The following RBM47 variants were observed in gnomAD, a reference collection of about 807,000 sequenced individuals.
RBM47 encodes the protein RNA binding motif protein 47.
A neutral mutation model predicts 47.1 loss-of-function variants in RBM47; 21 were observed. The observed-to-expected ratio is 0.45, with a 90% CI of 0.32 to 0.64. The LOEUF is 0.64. RBM47 is among the 30% of genes least tolerant of loss of function. The pLI is 0.05. For synonymous variants in RBM47, 375 were observed against 361.7 expected, an observed-to-expected ratio of 1.04 and a Z score of -0.42; for missense variants, 708 against 870.9, an observed-to-expected ratio of 0.81 and a Z score of 2.35.
intron 6 of RBM47, among the ~76,000 whole-genome samples, chr4:40,432,033 T>A (rs1385025189): frequency 1.0e-4 from 14 of 138,472 alleles, no homozygotes; most frequent in Admixed American, 2.9e-4. Context: ...AAAAAAAAAA[T>A]TGTAGAGACA....
At chr4:40,449,659 C>T (rs905522297) in intron 3 of RBM47, among the ~76,000 whole-genome samples, 2 of 152,052 alleles carry the variant, frequency 1.3e-5, no homozygotes, top group Non-Finnish European at 2.9e-5. Context: ...CACACAAATA[C>T]CAGTTAGGAA....
intron 1 of RBM47, among the ~76,000 whole-genome samples, chr4:40,549,742 G>A (rs565204468): frequency 2.1e-5 from 3 of 145,236 alleles, no homozygotes; most frequent in East Asian, 2.1e-4. Flanking sequence ...GTGCAGTGGC[G>A]CAATCTCAGC....
At chr4:40,447,323 G>A (rs763627327) in intron 3 of RBM47, among the ~76,000 whole-genome samples, 10 of 152,128 alleles carry the variant, frequency 6.6e-5, no homozygotes, top group Non-Finnish European at 1.2e-4. Context: ...TTCTGAACTA[G>A]GGATTTTTGT....
intron 3 of RBM47, among the ~76,000 whole-genome samples, chr4:40,445,092 G>A (rs1304021925): frequency 6.6e-6 from 1 of 151,922 alleles, no homozygotes; most frequent in Admixed American, 6.5e-5. Context: ...GGCTAACACG[G>A]TGAAACCCCA....
chr4:40,629,030 C>A (rs191833965), intron 1 of RBM47, among the ~76,000 whole-genome samples: 35 of 152,254 alleles, frequency 2.3e-4, no homozygotes, highest in Non-Finnish European at 4.0e-4. Flanking sequence ...GTCCAGGACG[C>A]TTCCTCAGTC....
chr4:40,586,033 G>A (rs776715953), intron 1 of RBM47, among the ~76,000 whole-genome samples: 7 of 152,196 alleles, frequency 4.6e-5, no homozygotes, highest in Non-Finnish European at 1.0e-4. Context: ...TACTCAGCCC[G>A]AGTGTTACTA....
intron 6 of RBM47, chr4:40,426,788 C>T (rs1005610818): frequency 6.6e-6 from 1 of 152,192 alleles, no homozygotes; most frequent in Non-Finnish European, 1.5e-5. Flanking sequence ...TTTATTCAAG[C>T]CACGGTTGGT....
intron 2 of RBM47, chr4:40,543,076 G>A (rs946195855): frequency 6.6e-6 from 1 of 152,198 alleles, no homozygotes; most frequent in African/African-American, 2.4e-5. Flanking sequence ...TATCCCTACA[G>A]ATCATGTACT....
At chr4:40,596,827 TGAGGGGCAC>T (rs1335226283) in intron 1 of RBM47, among the ~76,000 whole-genome samples, 2 of 152,050 alleles carry the variant, frequency 1.3e-5, no homozygotes, top group Non-Finnish European at 1.5e-5. Context: ...AGAATCAAGT[TGAGGGGCAC>T]GAGGGGCTTC....
intron 1 of RBM47, among the ~76,000 whole-genome samples, chr4:40,595,870 T>C (rs547915925): frequency 2.1e-4 from 31 of 151,010 alleles, no homozygotes; most frequent in South Asian, 1.7e-3. Flanking sequence ...TCATCACTGT[T>C]CTCCAGGCTG....
At chr4:40,436,873 T>C (rs1387762505) in intron 4 of RBM47, 2 of 671,668 alleles carry the variant, frequency 3.0e-6, no homozygotes, top group Admixed American at 2.0e-5. Context: ...AGGGTGAGTT[T>C]CTAGGATTGT....
At chr4:40,522,303 G>A (rs1030230097) in intron 2 of RBM47, among the ~76,000 whole-genome samples, 3 of 152,110 alleles carry the variant, frequency 2.0e-5, no homozygotes, top group Non-Finnish European at 4.4e-5. Flanking sequence ...TCAGGAGTTC[G>A]AGACCAGCCT....
At chr4:40,592,968 TATATATATA>T (rs1560493288) in intron 1 of RBM47, among the ~76,000 whole-genome samples, 2 of 19,336 alleles carry the variant, frequency 1.0e-4, no homozygotes, top group African/African-American at 4.5e-4. Flanking sequence ...TATATATATA[TATATATATA>T]TATTTTTTTT....
At chr4:40,496,861 G>A (rs1722664824) in intron 2 of RBM47, among the ~76,000 whole-genome samples, 2 of 152,032 alleles carry the variant, frequency 1.3e-5, no homozygotes, top group Admixed American at 1.3e-4. Flanking sequence ...CCAACATGGT[G>A]AAACCCCATC....
chr4:40,574,150 T>C (rs780520959), intron 1 of RBM47, among the ~76,000 whole-genome samples: 1 of 152,196 alleles, frequency 6.6e-6, no homozygotes, highest in Non-Finnish European at 1.5e-5. Flanking sequence ...TCTCTGCAGT[T>C]GTTGTGGGTT....
intron 3 of RBM47, among the ~76,000 whole-genome samples, chr4:40,443,853 T>C (rs1191695577): frequency 3.3e-5 from 5 of 151,634 alleles, no homozygotes; most frequent in Admixed American, 2.6e-4. Context: ...ATAAATTATA[T>C]GGTGTGCTAC....
At chr4:40,509,380 T>C (rs1724559791) in intron 2 of RBM47, among the ~76,000 whole-genome samples, 1 of 152,134 alleles carries the variant, frequency 6.6e-6, no homozygotes, top group Non-Finnish European at 1.5e-5. Flanking sequence ...ATTTGTACCC[T>C]CACTATCATT....
chr4:40,464,958 C>G (rs996536515), intron 3 of RBM47, among the ~76,000 whole-genome samples: 1 of 132,964 alleles, frequency 7.5e-6, no homozygotes, highest in African/African-American at 2.8e-5. Context: ...AGAGTAAATA[C>G]ACCATGTTAA....
intron 1 of RBM47, among the ~76,000 whole-genome samples, chr4:40,623,536 G>C (rs1247116815): frequency 5.3e-5 from 8 of 152,194 alleles, no homozygotes; most frequent in African/African-American, 1.7e-4. Flanking sequence ...ATCTCACTAT[G>C]TTACCCAGGC....
Sources: allele counts gnomAD v4.1 joint callset (sites outside exome capture counted in the v4.1 genomes callset), GRCh38; gene constraint gnomAD v4.1.1; transcripts MANE v1.5; gene names NCBI Gene and HGNC (gene_info 2026-07-23, HGNC 2026-07-21).